The following NLRP3 variants were observed in gnomAD, a reference collection of about 807,000 sequenced individuals.
NLRP3 encodes NLR family pyrin domain containing 3.
Under a neutral mutation model 91.3 loss-of-function variants are expected in NLRP3, and 48 were observed. The ratio of observed to expected loss-of-function variants is 0.53; its 90% CI spans 0.42 to 0.67. The LOEUF (loss-of-function observed/expected upper bound fraction) is 0.67, where lower values mean the gene tolerates loss of function less well. NLRP3 is among the 30% of genes least tolerant of loss of function. The pLI, the probability that NLRP3 is intolerant of heterozygous loss-of-function variation, is 0.00. For missense variants in NLRP3, 982 were observed against 1,276.9 expected (o/e 0.77, Z 3.52); for synonymous variants, 561 against 507.9 (o/e 1.10, Z -1.41).
At chr1:247,428,799 T>G (rs566547074) in intron 4 of NLRP3, among the ~76,000 whole-genome samples, 1 of 152,202 alleles carries the variant, frequency 6.6e-6, no homozygotes, top group South Asian at 2.1e-4. Context: ...CAGCTTGGGT[T>G]TCATCTGAAA....
At chr1:247,429,504 C>T (rs1474093493) in intron 4 of NLRP3, 81 bp from the exon 5 acceptor site, 5 of 1,510,360 alleles carry the variant, frequency 3.3e-6, no homozygotes, top group Non-Finnish European at 4.6e-6. Context: ...TGAACTGGTG[C>T]CAGGCACCCC....
intron 5 of NLRP3, among the ~76,000 whole-genome samples, chr1:247,432,592 T>C (rs1410448076): frequency 2.0e-5 from 3 of 152,162 alleles, no homozygotes; most frequent in Non-Finnish European, 4.4e-5. Context: ...CCACTGCCAT[T>C]GCCCCTGTAT....
intron 5 of NLRP3, among the ~76,000 whole-genome samples, chr1:247,433,162 T>C (rs1002131541): frequency 9.2e-5 from 14 of 151,970 alleles, no homozygotes; most frequent in African/African-American, 3.4e-4. Flanking sequence ...AGCTATGATC[T>C]CGCCAGTGCA....
Position 247,424,423 on chromosome 1 carries a change from G to A in NLRP3, c.974G>A (p.Arg325Gln), listed in dbSNP as rs200158304. The A allele has an allele frequency of 1.1e-5, 17 of 1,614,048 alleles. No individual in the cohort carries two copies. The highest frequency in any genetic ancestry group is 6.7e-5 in the African/African-American group (5 of 74,914). ...TGCACTGACTGGCAGAAGGCCGAGC[G>A]GGGAGACATTCTCCTGAGCAGCCTC... Reference protein sequence around the residue: ...PLCTDWQKAERGDILLSSLIR... With the variant: ...PLCTDWQKAEQGDILLSSLIR... The change falls in exon 4 of 10, where the codon CGG becomes CAG. Residue 325 changes from arginine (R) to glutamine (Q), a missense_variant. By Grantham distance (43) the Arg-to-Gln change is conservative (BLOSUM62 1). This residue lies in a region of NLRP3 where 548 missense variants were observed against 713.7 expected (regional missense o/e 0.77). Coordinates refer to ENST00000336119, the MANE Select transcript of NLRP3 (RefSeq NM_001243133.2). The surrounding 1 kb of genome is among the most constrained non-coding windows in gnomAD (Gnocchi z 8.1).
chr1:247,444,966 A>G, intron 9 of NLRP3, 145 bp downstream of exon 9: 1 of 761,600 alleles, frequency 1.3e-6, no homozygotes, highest in Non-Finnish European at 2.2e-6. Flanking sequence ...TGGATATTTT[A>G]AAATAGAGAA....
chr1:247,448,309 G>T, intron 9 of NLRP3, 96 bp from the exon 10 acceptor site: 1 of 711,726 alleles, frequency 1.4e-6, no homozygotes, highest in Non-Finnish European at 2.6e-6. Flanking sequence ...GAAGTGTGTG[G>T]AGTTTAGGGA....
At chr1:247,428,896 CTTT>C (rs1174663389) in intron 4 of NLRP3, among the ~76,000 whole-genome samples, 4 of 136,556 alleles carry the variant, frequency 2.9e-5, no homozygotes. Context: ...TTTTCTTTTT[CTTT>C]TTTTTTTTTT....
chr1:247,438,378 GTTTTTTTTTT>G (rs74163772), intron 7 of NLRP3, among the ~76,000 whole-genome samples: 2 of 71,914 alleles, frequency 2.8e-5, no homozygotes, highest in African/African-American at 1.1e-4. Flanking sequence ...GTTTAGTTGT[GTTTTTTTTTT>G]TTTTTTTTTT....
chr1:247,432,042 G>C (rs917728783), intron 5 of NLRP3, among the ~76,000 whole-genome samples: 1 of 152,130 alleles, frequency 6.6e-6, no homozygotes, highest in South Asian at 2.1e-4. Flanking sequence ...GGGCCACCAC[G>C]CCCAGCTGAT....
At chr1:247,422,738 G>A (rs190253471) in intron 2 of NLRP3, among the ~76,000 whole-genome samples, 12 of 152,308 alleles carry the variant, frequency 7.9e-5, no homozygotes, top group Admixed American at 6.5e-4. Context: ...TAGACTGGTC[G>A]TTCTCACTCT....
chr1:247,448,269 T>C (rs1664731777), intron 9 of NLRP3, 136 bp from the exon 10 acceptor site: 1 of 39,898 alleles, frequency 2.5e-5, no homozygotes, highest in South Asian at 5.6e-4. Context: ...GTGGTCCCTC[T>C]TTTTTTTTTT....
chr1:247,440,094 CGTGTTAGGTATAGCCTAT>C (rs1025557397), intron 7 of NLRP3, among the ~76,000 whole-genome samples: 13 of 34,574 alleles, frequency 3.8e-4, no homozygotes, highest in Non-Finnish European at 8.1e-4. Context: ...GTATAGCCTA[CGTGTTAGGTATAGCCTAT>C]GTGTTAGGTA....
chr1:247,434,432 T>TG (rs1399882833), intron 6 of NLRP3, among the ~76,000 whole-genome samples, 159 bp downstream of exon 6: 3 of 152,150 alleles, frequency 2.0e-5, no homozygotes, highest in African/African-American at 7.2e-5. Context: ...TTGCGGTCAG[T>TG]GAGTGTTTGT....
Position 247,444,216 on chromosome 1 carries a change from C to T in NLRP3, c.2834+74C>T, listed in dbSNP as rs1215104186. On this transcript the variant is annotated intron_variant, in intron 8 of 9. Transcript: ENST00000336119. ...GTGGAGGGACGTTTAGGCAGAGTGG[C>T]CACAAGATAATCTGTATCTTAGAAG... The T allele has an allele frequency of 2.8e-6, 4 of 1,432,862 alleles. No homozygotes were observed. The African/African-American group carries it at 5.6e-5, about 20-fold the overall frequency. 88.8% of individuals were successfully genotyped at this position (1,432,862 alleles called of 1,614,324 possible). A position where few individuals can be genotyped will look rare whatever the true frequency, so the allele number is the denominator to read the frequency against.
At chr1:247,433,760 T>C (rs1365597889) in intron 5 of NLRP3, among the ~76,000 whole-genome samples, 34 of 113,210 alleles carry the variant, frequency 3.0e-4, no homozygotes, top group African/African-American at 3.8e-4. Flanking sequence ...TCCGGAGCTC[T>C]CTGGTCAGGT....
At position 247,424,825 on chromosome 1, in the gene NLRP3, G is replaced by C. The variant is rs1662748039; in HGVS notation, c.1376G>C (p.Gly459Ala). Residue 459 changes from glycine (G) to alanine (A), a missense_variant, in exon 4 of 10, where the codon GGC becomes GCC. Gly to Ala is a moderately conservative substitution (Grantham distance 60). Transcript: ENST00000336119. This position sits in a 1 kb window ranked among gnomAD's most constrained non-coding sequence, Gnocchi z 8.1. ...CCCCGGGGAGGGAGCCAGGAGCACG[G>C]CCTCTGCGCCCACCTCTGGGGGCTC... ...LQPRGGSQEH[G>A]LCAHLWGLCS... The C allele has an allele frequency of 5.0e-6, 8 of 1,607,986 alleles. No homozygotes were observed. The highest frequency in any genetic ancestry group is 6.8e-6 in the Non-Finnish European group (8 of 1,179,992).
intron 7 of NLRP3, among the ~76,000 whole-genome samples, chr1:247,443,229 C>A (rs1238802429): frequency 6.6e-6 from 1 of 152,074 alleles, no homozygotes; most frequent in East Asian, 1.9e-4. Context: ...CTGCACCTGG[C>A]CTTATTTATT....
intron 7 of NLRP3, among the ~76,000 whole-genome samples, chr1:247,442,096 A>G (rs543779915): frequency 9.9e-5 from 15 of 152,224 alleles, no homozygotes; most frequent in Non-Finnish European, 1.9e-4. Flanking sequence ...AGTAGAAGCC[A>G]CTCAAAACTT....
chr1:247,441,141 T>C lies in NLRP3; in HGVS notation c.2664-2831T>C, dbSNP rs11801406. Among the ~76,000 whole-genome samples the C allele has an allele frequency of 4.6e-3, 476 of 102,584 alleles. 2 individuals are homozygous for C. The highest frequency in any genetic ancestry group is 7.6e-3 in the Non-Finnish European group (366 of 48,348). 67.3% of individuals were successfully genotyped at this position (102,584 alleles called of 152,430 possible). On this transcript the variant is annotated intron_variant, in intron 7 of 9. Coordinates refer to ENST00000336119, the MANE Select transcript of NLRP3 (RefSeq NM_001243133.2). ...TCTTTTTCTTTTTCTCTTTCTTTCT[T>C]TCTTTCTCTCTCTCTCTCTTTCTTT...
Sources: allele counts gnomAD v4.1 joint callset (sites outside exome capture counted in the v4.1 genomes callset), GRCh38; gene constraint gnomAD v4.1.1; regional missense constraint gnomAD v4.1.1; non-coding constraint Gnocchi (gnomAD v3.1); transcripts MANE v1.5; gene names NCBI Gene and HGNC (gene_info 2026-07-23, HGNC 2026-07-21).